Variants in KLF5 observed in about 807,000 individuals in gnomAD.
The protein encoded by KLF5 is Krueppel-like factor 5.
In KLF5, 9 loss-of-function variants were observed where a neutral mutation model predicts 36.9. The observed-to-expected ratio is 0.24, with a 90% CI of 0.15 to 0.43. KLF5 has a LOEUF of 0.43. Among genes scored for constraint, KLF5 ranks in the 20% least tolerant of loss-of-function variants. KLF5 has a pLI of 1.00. For missense variants in KLF5, 524 were observed against 599.5 expected, an observed-to-expected ratio of 0.87 and a Z score of 1.31; for synonymous variants, 246 against 241.7, an observed-to-expected ratio of 1.02 and a Z score of -0.17.
intron 3 of KLF5, among the ~76,000 whole-genome samples, chr13:73,067,815 T>C (rs952849360): frequency 2.0e-5 from 3 of 150,780 alleles, no homozygotes; most frequent in Non-Finnish European, 4.4e-5. Flanking sequence ...ATTGTACAAA[T>C]AACATAGGAA....
At chr13:73,074,132 C>T (rs2044741909) in intron 3 of KLF5, among the ~76,000 whole-genome samples, 1 of 152,196 alleles carries the variant, frequency 6.6e-6, no homozygotes, top group South Asian at 2.1e-4. Context: ...GGACCACTTT[C>T]ATGTCGTCTG....
chr13:73,059,310 C>T lies in KLF5; in HGVS notation c.-18C>T. On this transcript the variant is annotated 5_prime_UTR_variant, in exon 1 of 4. Transcript: ENST00000377687. ...AAGTGCGCCCGACCCGCGCCTGGAGCTGCGCCCCCGAGTGCCCATGGCTAC... is the reference window on the plus strand; with the variant it reads ...AAGTGCGCCCGACCCGCGCCTGGAGTTGCGCCCCCGAGTGCCCATGGCTAC... The T allele has an allele frequency of 7.4e-7, 1 of 1,357,424 alleles. No individual in the cohort carries two copies. The highest frequency in any genetic ancestry group is 9.5e-7 in the Non-Finnish European group (1 of 1,054,208). The allele number at this position is 1,357,424 out of a possible 1,614,324, so 84.1% of individuals were successfully genotyped here.
In KLF5 at chr13:73,073,133, A is replaced by G. The variant is rs565475386; in HGVS notation, c.1196-2575A>G. ...GTTGAAATATAACTTAAAGGAAGTC[A>G]GTTTGGTTTCCCAGAAGTACTGTGC... is the stretch of plus-strand genomic sequence containing the variant. On this transcript the variant is annotated intron_variant, in intron 3 of 3. Transcript: ENST00000377687. 6.4e-4 allele frequency among the ~76,000 whole-genome samples: 97 copies of G among 152,342 alleles called. 2 individuals are homozygous for G. In the South Asian group the frequency reaches 0.02, roughly 31 times the overall value.
chr13:73,064,456 C>G (rs1424556493), intron 3 of KLF5, among the ~76,000 whole-genome samples: 8 of 152,252 alleles, frequency 5.3e-5, no homozygotes, highest in African/African-American at 1.9e-4. Context: ...GTGTGAGAGA[C>G]TTGATCTTTA....
At position 73,059,415 on chromosome 13, in the gene KLF5, C is replaced by G. The variant is rs2044612282; in HGVS notation, c.88C>G (p.Leu30Val). 1 of 1,367,166 alleles carries G rather than the reference C, an allele frequency of 7.3e-7. No homozygotes were observed. Among genetic ancestry groups the G allele is most frequent in the African/African-American group, 1.5e-5 (1 of 66,234 alleles). The allele number at this position is 1,367,166 out of a possible 1,614,324, so 84.7% of individuals were successfully genotyped here. The change falls in exon 1 of 4, where the codon CTC becomes GTC. Residue 30 changes from leucine (L) to valine (V), a missense_variant. Leu to Val is a conservative substitution (Grantham distance 32). Transcript: ENST00000377687. ...APQDEPVFAQ[L>V]KPVLGAANPA... ...GCAGGACGAGCCGGTGTTCGCGCAG[C>G]TCAAGCCGGTGCTGGGCGCCGCGAA... is the stretch of plus-strand genomic sequence containing the variant.
chr13:73,055,972 A>C (rs1295595683), upstream of KLF5, among the ~76,000 whole-genome samples: 1 of 152,164 alleles, frequency 6.6e-6, no homozygotes, highest in Non-Finnish European at 1.5e-5. Context: ...AACTGAATTT[A>C]GATATTCCTT....
At chr13:73,073,579 A>G (rs1317213543) in intron 3 of KLF5, among the ~76,000 whole-genome samples, 1 of 152,196 alleles carries the variant, frequency 6.6e-6, no homozygotes, top group Non-Finnish European at 1.5e-5. Context: ...CTGCTATTTA[A>G]TTATTAAATT....
At position 73,063,756 on chromosome 13, in the gene KLF5, A is replaced by G. The variant is rs551511728; in HGVS notation, c.1136-68A>G. 5 of 1,091,670 alleles carry G rather than the reference A, an allele frequency of 4.6e-6. No individual in the cohort carries two copies. The African/African-American group carries it at 7.7e-5, about 17-fold the overall frequency. The allele number at this position is 1,091,670 out of a possible 1,614,324, so 67.6% of individuals were successfully genotyped here. A position where few individuals can be genotyped will look rare whatever the true frequency, so the allele number is the denominator to read the frequency against. On this transcript the variant is annotated intron_variant, in intron 2 of 3. Coordinates refer to ENST00000377687, the MANE Select transcript of KLF5 (RefSeq NM_001730.5). The stretch of plus-strand genomic sequence containing the variant: ...TCTTCTTTAAAGCCAGATTTTAAAC[A>G]CTGAATCATCAAATGTAAAGATTTC...
At chr13:73,074,999 C>A (rs2044749381) in intron 3 of KLF5, 1 of 149,430 alleles carries the variant, frequency 6.7e-6, no homozygotes. Context: ...GTTTCATGGT[C>A]TTTTTTTTTT....
chr13:73,062,772 A>AGT (rs113148226), intron 2 of KLF5, 38 bp downstream of exon 2: 137,484 of 1,360,104 alleles, frequency 0.1, 3,158 homozygotes, highest in East Asian at 0.11. Flanking sequence ...CAATAGATGT[A>AGT]GTGTGTGTGT....
intron 3 of KLF5, 107 bp from the exon 4 acceptor site, chr13:73,075,601 T>G (rs2044753856): frequency 5.3e-6 from 5 of 948,038 alleles, no homozygotes; most frequent in Non-Finnish European, 7.9e-6. Flanking sequence ...GCTTTCCTTC[T>G]TTCGCTTGGC....
chr13:73,062,234 T>G lies in KLF5; in HGVS notation c.635T>G (p.Leu212Arg). 6.2e-7 allele frequency: 1 copy of G among 1,613,992 alleles called. No individual in the cohort carries two copies. Among genetic ancestry groups the G allele is most frequent in the South Asian group, 1.1e-5 (1 of 91,084 alleles). ...AACAATATTTTCATCAAACAAGAAC[T>G]TCCTACACCAGATCTTCATCTTTCT... Reference protein sequence around the residue: ...EVNNIFIKQELPTPDLHLSVP... With the variant: ...EVNNIFIKQERPTPDLHLSVP... Residue 212 changes from leucine (L) to arginine (R), a missense_variant, in exon 2 of 4, where the codon CTT becomes CGT. Transcript: ENST00000377687.
At chr13:73,063,549 A>G (rs137917838) in intron 2 of KLF5, among the ~76,000 whole-genome samples, 1 of 152,358 alleles carries the variant, frequency 6.6e-6, no homozygotes, top group African/African-American at 2.4e-5. Context: ...ACGGAAGTAC[A>G]GCACCTACTG....
Position 73,062,071 on chromosome 13 carries a change from G to A in KLF5, c.472G>A (p.Val158Ile), listed in dbSNP as rs768178694. The change falls in exon 2 of 4, where the codon GTA becomes ATA. Residue 158 changes from valine to isoleucine, a missense_variant. By Grantham distance (29) the Val-to-Ile change is conservative. Around this residue, in one of 4 missense-constraint regions of KLF5, gnomAD observed 454 missense variants for 458.1 expected, o/e 0.99. Transcript: ENST00000377687. ...TGLYKSQRPC[V>I]THIKTEPVAI... is the part of the protein sequence containing the mutation. ...CCTCTACAAATCCCAGAGACCGTGC[G>A]TAACACACATCAAGACAGAACCTGT... The A allele has an allele frequency of 1.5e-5, 24 of 1,613,964 alleles. No individual in the cohort carries two copies. Among genetic ancestry groups the A allele is most frequent in the Middle Eastern group, 1.6e-4 (1 of 6,062 alleles).
chr13:73,076,066 G>T lies in KLF5; in HGVS notation c.*180G>T. On this transcript the variant is annotated 3_prime_UTR_variant, in exon 4 of 4. Transcript: ENST00000377687. ...CATTGTATTAATACCAAAGTGTTTG[G>T]TCATTTTAAGAATCTGGAATGCTTG... The T allele has an allele frequency of 4.1e-6, 2 of 490,852 alleles. No individual in the cohort carries two copies. Among genetic ancestry groups the T allele is most frequent in the Non-Finnish European group, 3.4e-6 (1 of 295,654 alleles). 30.4% of individuals were successfully genotyped at this position (490,852 alleles called of 1,614,324 possible).
chr13:73,059,298 C>A lies in KLF5; in HGVS notation c.-30C>A. On this transcript the variant is annotated 5_prime_UTR_variant, in exon 1 of 4. Coordinates refer to ENST00000377687, the MANE Select transcript of KLF5 (RefSeq NM_001730.5). ...GGGCGAGGTGGGAAGTGCGCCCGAC[C>A]CGCGCCTGGAGCTGCGCCCCCGAGT... The A allele has an allele frequency of 7.5e-7, 1 of 1,342,252 alleles. No individual in the cohort carries two copies. The highest frequency in any genetic ancestry group is 1.8e-5 in the South Asian group (1 of 56,358). 83.1% of individuals were successfully genotyped at this position (1,342,252 alleles called of 1,614,324 possible). A position where few individuals can be genotyped will look rare whatever the true frequency, so the allele number is the denominator to read the frequency against.
rs1594400457 is a variant in KLF5, at chr13:73,075,980, C to G, written c.*94C>G. The stretch of plus-strand genomic sequence containing the variant: ...TAAAAACAACAAAAACAAACAAAAG[C>G]AAGAAAACCACAACTAAAACTGGAA... On this transcript the variant is annotated 3_prime_UTR_variant, in exon 4 of 4. Transcript: ENST00000377687. The G allele has an allele frequency of 1.5e-5, 12 of 801,626 alleles. No individual in the cohort carries two copies. In the South Asian group the frequency reaches 3.5e-4, roughly 23 times the overall value. The allele number at this position is 801,626 out of a possible 1,614,324, so 49.7% of individuals were successfully genotyped here. A position where few individuals can be genotyped will look rare whatever the true frequency, so the allele number is the denominator to read the frequency against.
At chr13:73,057,993 G>T (rs936369629), upstream of KLF5, among the ~76,000 whole-genome samples, 1 of 152,222 alleles carries the variant, frequency 6.6e-6, no homozygotes, top group Non-Finnish European at 1.5e-5. Context: ...TTTCAGAGCT[G>T]CTCTGTGTCT....
chr13:73,076,104 T>G lies in KLF5; in HGVS notation c.*218T>G. On this transcript the variant is annotated 3_prime_UTR_variant, in exon 4 of 4. Coordinates refer to ENST00000377687, the MANE Select transcript of KLF5 (RefSeq NM_001730.5). Reference sequence around the variant, plus strand: ...TCTGGAATGCTTGCTGTAATGTATATGGCTTTACTCAAGCAGATCTCATCT... The same window carrying G: ...TCTGGAATGCTTGCTGTAATGTATAGGGCTTTACTCAAGCAGATCTCATCT... The G allele has an allele frequency of 9.7e-6, 4 of 413,368 alleles. No homozygotes were observed. The highest frequency in any genetic ancestry group is 1.3e-5 in the Non-Finnish European group (3 of 237,098). 25.6% of individuals were successfully genotyped at this position (413,368 alleles called of 1,614,324 possible).
Sources: allele counts gnomAD v4.1 joint callset (sites outside exome capture counted in the v4.1 genomes callset), GRCh38; gene constraint gnomAD v4.1.1; regional missense constraint gnomAD v4.1.1; transcripts MANE v1.5; gene names NCBI Gene and HGNC (gene_info 2026-07-23, HGNC 2026-07-21).